Variants in RNF150 observed in about 807,000 individuals in gnomAD.
The protein encoded by RNF150 is ring finger protein 150.
RNF150 carries 24 observed loss-of-function variants against 39.3 expected under a neutral mutation model. That is an observed-to-expected ratio of 0.61 (90% confidence interval 0.44 to 0.86). RNF150 has a LOEUF of 0.86. Among genes scored for constraint, RNF150 ranks in the 40% least tolerant of loss-of-function variants. The pLI is 0.00. For missense variants in RNF150, 502 were observed against 587.8 expected (o/e 0.85, Z 1.51); for synonymous variants, 255 against 227.3 (o/e 1.12, Z -1.10).
At chr4:141,085,867 G>A (rs1199631708) in intron 1 of RNF150, among the ~76,000 whole-genome samples, 1 of 152,104 alleles carries the variant, frequency 6.6e-6, no homozygotes, top group South Asian at 2.1e-4. Context: ...AAGAAGTTAA[G>A]AAGAAAAATC....
chr4:141,092,425 A>T (rs879872903), intron 1 of RNF150, among the ~76,000 whole-genome samples: 1 of 152,142 alleles, frequency 6.6e-6, no homozygotes, highest in Non-Finnish European at 1.5e-5. Flanking sequence ...GCAATATCTT[A>T]AAAAAATTTG....
chr4:140,946,872 A>G (rs1459503314), intron 4 of RNF150, among the ~76,000 whole-genome samples: 2 of 152,188 alleles, frequency 1.3e-5, no homozygotes, highest in Admixed American at 6.5e-5. Context: ...GCATAATTCT[A>G]TTTTTATTTT....
intron 2 of RNF150, among the ~76,000 whole-genome samples, chr4:140,963,230 T>C (rs1733107446): frequency 6.6e-6 from 1 of 152,060 alleles, no homozygotes; most frequent in Non-Finnish European, 1.5e-5. Context: ...GAATTTGCGA[T>C]AAAATTAATA....
chr4:141,067,650 C>G (rs538346642), intron 1 of RNF150, among the ~76,000 whole-genome samples: 7 of 152,114 alleles, frequency 4.6e-5, no homozygotes, highest in African/African-American at 1.7e-4. Context: ...TTGGTTTTCT[C>G]GACCAATCAA....
chr4:141,012,255 T>A (rs1335080232), intron 1 of RNF150, among the ~76,000 whole-genome samples: 1 of 152,218 alleles, frequency 6.6e-6, no homozygotes, highest in Non-Finnish European at 1.5e-5. Flanking sequence ...CTGCCCATCC[T>A]GGGCAAGCGG....
intron 1 of RNF150, among the ~76,000 whole-genome samples, chr4:141,141,625 T>G (rs1325120426): frequency 2.6e-5 from 4 of 152,104 alleles, no homozygotes; most frequent in African/African-American, 9.7e-5. Flanking sequence ...ACATGGCACA[T>G]CCCTGTCTCT....
chr4:141,122,441 G>A (rs1726638902), intron 1 of RNF150, among the ~76,000 whole-genome samples: 2 of 152,228 alleles, frequency 1.3e-5, no homozygotes, highest in Non-Finnish European at 2.9e-5. Context: ...TCCTTCAAAG[G>A]AGCACCATGC....
intron 1 of RNF150, among the ~76,000 whole-genome samples, chr4:141,143,563 G>T (rs147450675): frequency 6.6e-6 from 1 of 152,070 alleles, no homozygotes; most frequent in Non-Finnish European, 1.5e-5. Flanking sequence ...CTGGACTAAG[G>T]GCTTCCCTGG....
At chr4:141,041,754 A>C (rs1162610385) in intron 1 of RNF150, among the ~76,000 whole-genome samples, 1 of 152,116 alleles carries the variant, frequency 6.6e-6, no homozygotes, top group Non-Finnish European at 1.5e-5. Flanking sequence ...AAAATGTAAA[A>C]TAAGTGAATG....
chr4:140,885,953 G>A (rs1266991500), intron 6 of RNF150, among the ~76,000 whole-genome samples: 1 of 152,050 alleles, frequency 6.6e-6, no homozygotes, highest in Non-Finnish European at 1.5e-5. Flanking sequence ...CTCTTTGGGA[G>A]GCCGAGATGG....
intron 4 of RNF150, among the ~76,000 whole-genome samples, chr4:140,929,371 T>G (rs966509306): frequency 5.1e-5 from 7 of 138,410 alleles, no homozygotes; most frequent in South Asian, 2.6e-4. Context: ...TTTTTTTTTT[T>G]TTTTTTTTTT....
chr4:141,187,673 C>A (rs968651726), intron 1 of RNF150, among the ~76,000 whole-genome samples: 4 of 152,100 alleles, frequency 2.6e-5, no homozygotes, highest in Non-Finnish European at 5.9e-5. Flanking sequence ...AGGATTGCAA[C>A]CCCTGCTTTT....
At chr4:140,945,600 ATACATATATATAC>A (rs71584389) in intron 4 of RNF150, among the ~76,000 whole-genome samples, 75,554 of 146,134 alleles carry the variant, frequency 0.52, 20,871 homozygotes, top group Non-Finnish European at 0.61. Context: ...ATATACATAT[ATACATATATATAC>A]TACATATATA....
chr4:141,051,056 T>G (rs1020510295), intron 1 of RNF150, among the ~76,000 whole-genome samples: 16 of 152,196 alleles, frequency 1.1e-4, no homozygotes, highest in African/African-American at 3.6e-4. Context: ...TCTTGACTTC[T>G]GTGCACCCAC....
chr4:141,189,991 C>G (rs980618636), intron 1 of RNF150, among the ~76,000 whole-genome samples: 1 of 152,068 alleles, frequency 6.6e-6, no homozygotes, highest in Admixed American at 6.5e-5. Flanking sequence ...CAAACAGCTG[C>G]CTGGTTTTGT....
At chr4:140,949,160 G>T in intron 3 of RNF150, 141 bp downstream of exon 3, 1 of 548,400 alleles carries the variant, frequency 1.8e-6, no homozygotes, top group Non-Finnish European at 3.2e-6. Context: ...ATTAAGAAGA[G>T]TATAATAACA....
At chr4:140,902,020 G>T (rs766675454) in intron 6 of RNF150, among the ~76,000 whole-genome samples, 4 of 152,126 alleles carry the variant, frequency 2.6e-5, no homozygotes, top group Non-Finnish European at 5.9e-5. Flanking sequence ...TAGGCAGATG[G>T]AGATTGTAAC....
intron 1 of RNF150, among the ~76,000 whole-genome samples, chr4:141,204,329 GAGA>G (rs1445824218): frequency 6.6e-6 from 1 of 152,106 alleles, no homozygotes; most frequent in East Asian, 1.9e-4. Context: ...AGAATTGAGA[GAGA>G]AGAAGGAGTT....
At chr4:141,176,104 C>T (rs9997159) in intron 1 of RNF150, among the ~76,000 whole-genome samples, 37,950 of 150,854 alleles carry the variant, frequency 0.25, 5,272 homozygotes, top group East Asian at 0.64. Flanking sequence ...TGCCATGTTG[C>T]CTAGGCTGGT....
Sources: allele counts gnomAD v4.1 joint callset (sites outside exome capture counted in the v4.1 genomes callset), GRCh38; gene constraint gnomAD v4.1.1; transcripts MANE v1.5; gene names NCBI Gene and HGNC (gene_info 2026-07-23, HGNC 2026-07-21).